Variants in AUTS2 observed in about 807,000 individuals in gnomAD.
AUTS2 encodes activator of transcription and developmental regulator AUTS2.
A neutral mutation model predicts 112.4 loss-of-function variants in AUTS2; 17 were observed. The observed-to-expected ratio is 0.15, with a 90% CI of 0.10 to 0.23. AUTS2 has a LOEUF of 0.23. AUTS2 is among the 10% of genes least tolerant of loss of function. The pLI is 1.00. For synonymous variants in AUTS2, 751 were observed against 702.7 expected, an observed-to-expected ratio of 1.07 and a Z score of -1.09; for missense variants, 1,510 against 1,701.6, an observed-to-expected ratio of 0.89 and a Z score of 1.98.
At chr7:69,751,996 A>G (rs531164727) in intron 1 of AUTS2, among the ~76,000 whole-genome samples, 1 of 152,186 alleles carries the variant, frequency 6.6e-6, no homozygotes, top group East Asian at 1.9e-4. Context: ...TTTTTTGATG[A>G]CTATTATCAC....
At chr7:70,083,332 T>C (rs997867834) in intron 2 of AUTS2, among the ~76,000 whole-genome samples, 3 of 152,140 alleles carry the variant, frequency 2.0e-5, no homozygotes, top group African/African-American at 7.2e-5. Context: ...GCAAATAGTG[T>C]GTATTTTGCA....
chr7:70,516,290 C>T (rs1016224396), intron 5 of AUTS2, among the ~76,000 whole-genome samples: 7 of 152,124 alleles, frequency 4.6e-5, no homozygotes, highest in African/African-American at 9.7e-5. Context: ...TCCACACACC[C>T]GCACCTTACC....
At chr7:69,904,264 C>T (rs914000081) in intron 2 of AUTS2, among the ~76,000 whole-genome samples, 1 of 152,180 alleles carries the variant, frequency 6.6e-6, no homozygotes, top group Middle Eastern at 3.2e-3. Flanking sequence ...TATTTCAGCA[C>T]GACTTAGACT....
intron 4 of AUTS2, among the ~76,000 whole-genome samples, chr7:70,391,864 C>T (rs1045524010): frequency 7.9e-5 from 12 of 151,934 alleles, no homozygotes; most frequent in African/African-American, 2.7e-4. Flanking sequence ...TTTGTTGGAC[C>T]CCAGAGCTTG....
chr7:69,938,407 G>C (rs1796499151), intron 2 of AUTS2, among the ~76,000 whole-genome samples: 1 of 152,142 alleles, frequency 6.6e-6, no homozygotes, highest in Non-Finnish European at 1.5e-5. Context: ...TTTAGTTTTT[G>C]CTGTTGCAGG....
intron 6 of AUTS2, among the ~76,000 whole-genome samples, chr7:70,706,336 C>T (rs1157626806): frequency 6.6e-6 from 1 of 152,102 alleles, no homozygotes; most frequent in Non-Finnish European, 1.5e-5. Context: ...GTGGGTGTGG[C>T]GTTTCCAAAA....
chr7:70,575,037 G>C (rs1020733752), intron 5 of AUTS2, among the ~76,000 whole-genome samples: 1 of 152,172 alleles, frequency 6.6e-6, no homozygotes, highest in Non-Finnish European at 1.5e-5. Context: ...GGAGTTGCTG[G>C]GTAATCGTTC....
chr7:70,746,492 G>C (rs1788462500), intron 6 of AUTS2, among the ~76,000 whole-genome samples: 1 of 152,200 alleles, frequency 6.6e-6, no homozygotes, highest in African/African-American at 2.4e-5. Context: ...ATTTAATCTT[G>C]TATAATAAAA....
intron 1 of AUTS2, among the ~76,000 whole-genome samples, chr7:69,701,455 G>A (rs1797803156): frequency 6.6e-6 from 1 of 152,130 alleles, no homozygotes; most frequent in South Asian, 2.1e-4. Context: ...GCTGCAAGGA[G>A]CCCTCGTGCC....
intron 1 of AUTS2, among the ~76,000 whole-genome samples, chr7:69,685,719 CTT>C (rs57209176): frequency 5.9e-4 from 83 of 139,940 alleles, no homozygotes; most frequent in African/African-American, 8.6e-4. Flanking sequence ...GATCCATGCC[CTT>C]TTTTTTTTTT....
chr7:70,579,503 A>C (rs1344750682), intron 5 of AUTS2, among the ~76,000 whole-genome samples: 1 of 152,116 alleles, frequency 6.6e-6, no homozygotes, highest in African/African-American at 2.4e-5. Flanking sequence ...GCTTTATTTC[A>C]TGAGAAATCA....
At chr7:69,721,179 A>G (rs1798912091) in intron 1 of AUTS2, among the ~76,000 whole-genome samples, 1 of 152,142 alleles carries the variant, frequency 6.6e-6, no homozygotes, top group Admixed American at 6.6e-5. Flanking sequence ...TGCCTCCCAC[A>G]ATCTCTCTCT....
At chr7:69,610,613 T>A (rs1225928809) in intron 1 of AUTS2, among the ~76,000 whole-genome samples, 1 of 152,194 alleles carries the variant, frequency 6.6e-6, no homozygotes, top group Non-Finnish European at 1.5e-5. Context: ...GAGATTTGCA[T>A]TTTTTCTTCA....
At chr7:70,385,901 T>A (rs997158629) in intron 4 of AUTS2, among the ~76,000 whole-genome samples, 5 of 152,152 alleles carry the variant, frequency 3.3e-5, no homozygotes, top group African/African-American at 4.8e-5. Flanking sequence ...ACTCCACCAG[T>A]TTCACCACTT....
chr7:70,634,454 T>C (rs1805432342), intron 5 of AUTS2, among the ~76,000 whole-genome samples: 1 of 152,180 alleles, frequency 6.6e-6, no homozygotes, highest in Admixed American at 6.5e-5. Context: ...GGCCTAGCCT[T>C]GGAAATGACC....
intron 4 of AUTS2, among the ~76,000 whole-genome samples, chr7:70,153,867 C>T (rs561937908): frequency 3.9e-5 from 6 of 152,114 alleles, no homozygotes; most frequent in South Asian, 2.1e-4. Context: ...TATAGAATTA[C>T]GGGAGAGAAA....
At chr7:69,977,061 T>C (rs1467495253) in intron 2 of AUTS2, among the ~76,000 whole-genome samples, 1 of 152,198 alleles carries the variant, frequency 6.6e-6, no homozygotes, top group African/African-American at 2.4e-5. Flanking sequence ...TCTAGCAGTT[T>C]TGTGATTTTA....
intron 1 of AUTS2, among the ~76,000 whole-genome samples, chr7:69,644,553 TAAGTC>T (rs955538373): frequency 6.6e-5 from 10 of 152,088 alleles, no homozygotes; most frequent in African/African-American, 2.4e-4. Flanking sequence ...CATTCATTAA[TAAGTC>T]AAGATGTAGA....
At chr7:69,821,335 A>G (rs1288075006) in intron 1 of AUTS2, among the ~76,000 whole-genome samples, 1 of 152,096 alleles carries the variant, frequency 6.6e-6, no homozygotes, top group African/African-American at 2.4e-5. Flanking sequence ...AAGCAAGAGG[A>G]TTGTAAATGC....
Sources: allele counts gnomAD v4.1 joint callset (sites outside exome capture counted in the v4.1 genomes callset), GRCh38; gene constraint gnomAD v4.1.1; transcripts MANE v1.5; gene names NCBI Gene and HGNC (gene_info 2026-07-23, HGNC 2026-07-21).